Variants in LRPAP1 observed in about 807,000 individuals in gnomAD.
LRPAP1 encodes alpha-2-macroglobulin receptor-associated protein.
In LRPAP1, 41 loss-of-function variants were observed where a neutral mutation model predicts 39.9. That is an observed-to-expected ratio of 1.03 (90% CI 0.80 to 1.33). LRPAP1 has a LOEUF of 1.33. Among genes scored for constraint, LRPAP1 ranks in the 40% most tolerant of loss-of-function variants. The pLI is 0.00. For synonymous variants in LRPAP1, 263 were observed against 212.7 expected (o/e 1.24, Z -2.06); for missense variants, 565 against 482.3 (o/e 1.17, Z -1.61).
At position 3,518,082 on chromosome 4, in the gene LRPAP1, G is replaced by C; in HGVS notation, c.703C>G (p.Leu235Val). The C allele has an allele frequency of 6.2e-7, 1 of 1,613,104 alleles. No individual in the cohort carries two copies. The highest frequency in any genetic ancestry group is 8.5e-7 in the Non-Finnish European group (1 of 1,179,952). The change falls in exon 5 of 8, where the codon CTG (leucine) becomes GTG (valine). Residue 235 changes from leucine (L) to valine (V), a missense_variant. Transcript: ENST00000650182. ...KEKLRSINQG[L>V]DRLRRVSHQG... Reference sequence around the variant, plus strand: ...TGGCTGACCCTGCGCAGGCGGTCCAGGCCCTGGTTGATGCTGCGCAGCTTC... The same window carrying C: ...TGGCTGACCCTGCGCAGGCGGTCCACGCCCTGGTTGATGCTGCGCAGCTTC...
intron 2 of LRPAP1, among the ~76,000 whole-genome samples, chr4:3,523,390 T>A (rs1203520184): frequency 6.6e-6 from 1 of 152,210 alleles, no homozygotes; most frequent in Non-Finnish European, 1.5e-5. Flanking sequence ...TGCCGCCGTA[T>A]CTTGGCTTAC....
At chr4:3,522,820 G>A (rs918837522) in intron 2 of LRPAP1, among the ~76,000 whole-genome samples, 5 of 152,160 alleles carry the variant, frequency 3.3e-5, no homozygotes, top group South Asian at 2.1e-4. Flanking sequence ...GCAGAGCAGG[G>A]CAGGGCAGAG....
chr4:3,517,893 G>A, intron 5 of LRPAP1, 141 bp downstream of exon 5: 1 of 1,070,026 alleles, frequency 9.3e-7, no homozygotes, highest in Non-Finnish European at 1.3e-6. Context: ...ACCACCCGTG[G>A]GTAGACTGAG....
At chr4:3,513,095 G>C in intron 7 of LRPAP1, 59 bp from the exon 8 acceptor site, 1 of 1,359,524 alleles carries the variant, frequency 7.4e-7, no homozygotes, top group East Asian at 2.4e-5. Context: ...AGCTCTGTGA[G>C]CTCAGCCTCA....
At position 3,524,940 on chromosome 4, in the gene LRPAP1, C is replaced by T; in HGVS notation, c.316G>A (p.Glu106Lys). The T allele has an allele frequency of 1.9e-6, 3 of 1,614,226 alleles. No individual in the cohort carries two copies. Among genetic ancestry groups the T allele is most frequent in the Non-Finnish European group, 2.5e-6 (3 of 1,180,042 alleles). ...LKLDGLDEDG[E>K]KEARLIRNLN... ...TTGCGTATGAGTCTCGCTTCCTTCT[C>T]CCCATCTTCGTCCAAGCCGTCAAGC... The change falls in exon 2 of 8, where the codon GAG becomes AAG. Residue 106 changes from glutamate to lysine, a missense_variant. Transcript: ENST00000650182.
At chr4:3,516,033 A>G in intron 6 of LRPAP1, 83 bp downstream of exon 6, 1 of 1,278,692 alleles carries the variant, frequency 7.8e-7, no homozygotes, top group South Asian at 1.3e-5. Flanking sequence ...CTTGGAGGAG[A>G]GGGCTGCATT....
At position 3,514,843 on chromosome 4, in the gene LRPAP1, T is replaced by TGCCTCAGCTTCTCGTGCGC. The variant is rs747098507; in HGVS notation, c.901_919dup (p.His307ArgfsTer106). The TGCCTCAGCTTCTCGTGCGC allele has an allele frequency of 1.9e-6, 3 of 1,613,806 alleles. No homozygotes were observed. Among genetic ancestry groups the TGCCTCAGCTTCTCGTGCGC allele is most frequent in the East Asian group, 4.5e-5 (2 of 44,872 alleles). On this transcript the variant is annotated frameshift_variant, in exon 7 of 8. Coordinates refer to ENST00000650182, the MANE Select transcript of LRPAP1 (RefSeq NM_002337.4). LOFTEE classifies it high-confidence loss of function. ...CTCGCCGTCGCCCACGCTCTCTGCG[T>TGCCTCAGCTTCTCGTGCGC]GCCTCAGCTTCTCGTGCGCAATCTC...
chr4:3,531,283 C>G (rs558287375), intron 1 of LRPAP1, among the ~76,000 whole-genome samples: 1 of 152,292 alleles, frequency 6.6e-6, no homozygotes, highest in South Asian at 2.1e-4. Context: ...GTCTGTCCCC[C>G]ACCTGTTTCT....
rs572340534 is a variant in LRPAP1 at position 3,532,342 on chromosome 4, C to G, written c.71G>C (p.Gly24Ala). The change falls in exon 1 of 8, where the codon GGG becomes GCG. Residue 24 changes from glycine (G) to alanine (A), a missense_variant. By Grantham distance (60) the Gly-to-Ala change is moderately conservative. Transcript: ENST00000650182. ...PALLLLLLFLGPWPAASHGGK... is the reference protein window; with the variant it reads ...PALLLLLLFLAPWPAASHGGK... ...GCCGTGGCTCGCAGCGGGCCAGGGC[C>G]CGAGGAAGAGCAGCAGCAGTAGCAG... 2.8e-4 allele frequency: 445 copies of G among 1,592,244 alleles called. 5 individuals are homozygous for G. In the South Asian group the frequency reaches 4.8e-3, roughly 17 times the overall value.
rs948003821 is a variant in LRPAP1 at position 3,510,374 on chromosome 4, A to AGGT, written c.*2597_*2599dup. 1 of 152,272 alleles carries AGGT rather than the reference A, an allele frequency of 6.6e-6. No homozygotes were observed. Among genetic ancestry groups the AGGT allele is most frequent in the African/African-American group, 2.4e-5 (1 of 41,456 alleles). The allele number at this position is 152,272 out of a possible 1,614,324, so 9.4% of individuals were successfully genotyped here. A position where few individuals can be genotyped will look rare whatever the true frequency, so the allele number is the denominator to read the frequency against. ...GGCGAGGGGATTGCTGGAGTATGGG[A>AGGT]GGTCAAGGGTGCAGTGAGCTGAGAT... On this transcript the variant is annotated 3_prime_UTR_variant, in exon 8 of 8. Coordinates refer to ENST00000650182, the MANE Select transcript of LRPAP1 (RefSeq NM_002337.4).
chr4:3,516,070 C>A, intron 6 of LRPAP1, 46 bp downstream of exon 6: 1 of 1,528,808 alleles, frequency 6.5e-7, no homozygotes, highest in Admixed American at 2.0e-5. Flanking sequence ...GCAAGAGAAT[C>A]TTCACCACAG....
chr4:3,519,019 A>T, intron 3 of LRPAP1, 28 bp from the exon 4 acceptor site: 1 of 1,602,532 alleles, frequency 6.2e-7, no homozygotes, highest in African/African-American at 1.3e-5. Context: ...CCTGGAGTGA[A>T]CCCGCCGCGG....
chr4:3,507,925 T>C lies in LRPAP1; in HGVS notation c.*5049A>G, dbSNP rs1406599894. 1 of 152,250 alleles carries C rather than the reference T, an allele frequency of 6.6e-6. No homozygotes were observed. The highest frequency in any genetic ancestry group is 2.4e-5 in the African/African-American group (1 of 41,462). 9.4% of individuals were successfully genotyped at this position (152,250 alleles called of 1,614,324 possible). Reference sequence around the variant, plus strand: ...GGATACTGTGAATGATTTATGTAAATTGTTTTGATAACTTAGATGAAATTC... The same window carrying C: ...GGATACTGTGAATGATTTATGTAAACTGTTTTGATAACTTAGATGAAATTC... On this transcript the variant is annotated 3_prime_UTR_variant, in exon 8 of 8. Transcript: ENST00000650182.
chr4:3,523,290 T>C (rs1729974814), intron 2 of LRPAP1, among the ~76,000 whole-genome samples: 1 of 152,174 alleles, frequency 6.6e-6, no homozygotes, highest in Non-Finnish European at 1.5e-5. Flanking sequence ...GGCTCTTTCT[T>C]GGCCCTTGGG....
rs1729423831 is a variant in LRPAP1, at chr4:3,508,660, A to G, written c.*4314T>C. ...CAGGTCATCTTGGCATATGAAAGTC[A>G]GCGTAATTCACTACAGTAATGCGGT... On this transcript the variant is annotated 3_prime_UTR_variant, in exon 8 of 8. Coordinates refer to ENST00000650182, the MANE Select transcript of LRPAP1 (RefSeq NM_002337.4). 6.6e-6 allele frequency: 1 copy of G among 152,236 alleles called. No homozygotes were observed. Among genetic ancestry groups the G allele is most frequent in the African/African-American group, 2.4e-5 (1 of 41,446 alleles). 9.4% of individuals were successfully genotyped at this position (152,236 alleles called of 1,614,324 possible). A position where few individuals can be genotyped will look rare whatever the true frequency, so the allele number is the denominator to read the frequency against.
chr4:3,505,190 G>A lies in LRPAP1; in HGVS notation c.*7784C>T, dbSNP rs1729316177. Among the ~76,000 whole-genome samples the A allele has an allele frequency of 2.6e-5, 4 of 152,334 alleles. No individual in the cohort carries two copies. Among genetic ancestry groups the A allele is most frequent in the Non-Finnish European group, 5.9e-5 (4 of 68,030 alleles). On this transcript the variant is annotated 3_prime_UTR_variant, in exon 8 of 8. Coordinates refer to ENST00000650182, the MANE Select transcript of LRPAP1 (RefSeq NM_002337.4). ...ACGGACACGAGGAAGAAGGGCGACC[G>A]TGTCCTGGACAGCCCAGCTCGAGGC...
Position 3,518,902 on chromosome 4 carries a change from G to T in LRPAP1, c.561C>A (p.Asn187Lys), listed in dbSNP as rs760713063. Residue 187 changes from asparagine (N) to lysine (K), a missense_variant, in exon 4 of 8, where the codon AAC (asparagine) becomes AAA (lysine). Asn to Lys is a moderately conservative substitution (Grantham distance 94, BLOSUM62 0). Coordinates refer to ENST00000650182, the MANE Select transcript of LRPAP1 (RefSeq NM_002337.4). ...LHHKEKVHEY[N>K]VLLETLSRTE... is the part of the protein sequence containing the mutation. ...TCCTGCTCAGGGTCTCCAGCAGGAC[G>T]TTGTACTCGTGAACTTTCTCTTTGT... is the stretch of plus-strand genomic sequence containing the variant. The T allele has an allele frequency of 1.2e-6, 2 of 1,613,114 alleles. No individual in the cohort carries two copies. Among genetic ancestry groups the T allele is most frequent in the South Asian group, 1.1e-5 (1 of 90,942 alleles).
At chr4:3,524,060 T>C (rs1730004286) in intron 2 of LRPAP1, among the ~76,000 whole-genome samples, 2 of 152,018 alleles carry the variant, frequency 1.3e-5, no homozygotes, top group African/African-American at 4.8e-5. Flanking sequence ...CTGCTACACA[T>C]AGCTGACAGC....
At chr4:3,531,509 T>G (rs1298557156) in intron 1 of LRPAP1, among the ~76,000 whole-genome samples, 1 of 152,120 alleles carries the variant, frequency 6.6e-6, no homozygotes, top group Non-Finnish European at 1.5e-5. Flanking sequence ...AGCAACCGTA[T>G]CTTAATGAAG....
Sources: allele counts gnomAD v4.1 joint callset (sites outside exome capture counted in the v4.1 genomes callset), GRCh38; gene constraint gnomAD v4.1.1; transcripts MANE v1.5; gene names NCBI Gene and HGNC (gene_info 2026-07-23, HGNC 2026-07-21).